Variants in PDE4D observed in about 807,000 individuals in gnomAD.
PDE4D encodes phosphodiesterase 4D.
A neutral mutation model predicts 87.4 loss-of-function variants in PDE4D; 24 were observed. The observed-to-expected ratio is 0.27, with a 90% CI of 0.20 to 0.39. PDE4D has a LOEUF of 0.39. Ranked by LOEUF, PDE4D falls within the 10% of genes least tolerant of loss-of-function variation. The pLI, the probability that PDE4D is intolerant of heterozygous loss-of-function variation, is 1.00. For missense variants in PDE4D, 714 were observed against 1,041.0 expected, an observed-to-expected ratio of 0.69 and a Z score of 4.32; for synonymous variants, 384 against 383.2, an observed-to-expected ratio of 1.00 and a Z score of -0.02.
intron 2 of PDE4D, among the ~76,000 whole-genome samples, chr5:60,120,081 A>C (rs1323367462): frequency 2.0e-5 from 3 of 152,226 alleles, no homozygotes; most frequent in Non-Finnish European, 4.4e-5. Flanking sequence ...ACAGAAAAAC[A>C]TCTTCTTATG....
chr5:59,033,448 C>A (rs1757943047), intron 6 of PDE4D, among the ~76,000 whole-genome samples: 2 of 152,192 alleles, frequency 1.3e-5, no homozygotes, highest in Non-Finnish European at 2.9e-5. Flanking sequence ...ACAAAATTAA[C>A]CCCAGCAATC....
At chr5:59,784,252 TA>T (rs60194125) in intron 1 of PDE4D, among the ~76,000 whole-genome samples, 204 of 142,396 alleles carry the variant, frequency 1.4e-3, no homozygotes, top group African/African-American at 2.4e-3. Context: ...TTTTTTTTTT[TA>T]AAAAAAAAAA....
chr5:60,373,466 A>G (rs954855966), intron 1 of PDE4D, among the ~76,000 whole-genome samples: 2 of 152,100 alleles, frequency 1.3e-5, no homozygotes, highest in Non-Finnish European at 1.5e-5. Context: ...CTAGAGTCTT[A>G]TTGAACTCAA....
intron 2 of PDE4D, among the ~76,000 whole-genome samples, chr5:60,012,053 AGGTAGAAATGC>A (rs1390542189): frequency 6.6e-6 from 1 of 152,200 alleles, no homozygotes; most frequent in African/African-American, 2.4e-5. Context: ...ATTGGACTAT[AGGTAGAAATGC>A]TGTGTGCTGA....
intron 1 of PDE4D, among the ~76,000 whole-genome samples, chr5:59,843,602 T>A (rs1743379690): frequency 6.6e-6 from 1 of 152,102 alleles, no homozygotes; most frequent in Admixed American, 6.6e-5. Context: ...TCTTTCCTCC[T>A]CTTCCTAAGT....
At chr5:59,332,742 C>T (rs1057060677) in intron 1 of PDE4D, among the ~76,000 whole-genome samples, 1 of 152,164 alleles carries the variant, frequency 6.6e-6, no homozygotes, top group Non-Finnish European at 1.5e-5. Flanking sequence ...TGTCATAGTT[C>T]TGGCTAAAGG....
intron 1 of PDE4D, among the ~76,000 whole-genome samples, chr5:60,503,588 G>C (rs985367696): frequency 6.6e-6 from 1 of 152,056 alleles, no homozygotes; most frequent in East Asian, 1.9e-4. Flanking sequence ...CTATGGAAAC[G>C]TAAGGTTGTT....
intron 3 of PDE4D, among the ~76,000 whole-genome samples, chr5:59,969,414 T>A (rs1027589829): frequency 3.3e-5 from 5 of 152,068 alleles, no homozygotes; most frequent in Non-Finnish European, 7.4e-5. Flanking sequence ...TTGAATAGAA[T>A]ATATTAAGGT....
At chr5:59,386,275 T>C (rs959699853) in intron 1 of PDE4D, among the ~76,000 whole-genome samples, 2 of 152,200 alleles carry the variant, frequency 1.3e-5, no homozygotes, top group African/African-American at 4.8e-5. Flanking sequence ...TTACATTGAA[T>C]ACTAGTTTTT....
chr5:60,395,583 G>T (rs1762833818), intron 1 of PDE4D, among the ~76,000 whole-genome samples: 1 of 152,056 alleles, frequency 6.6e-6, no homozygotes, highest in South Asian at 2.1e-4. Flanking sequence ...TAAAGAGGAA[G>T]AACTAGAAGT....
At chr5:60,407,138 C>T (rs1489112293) in intron 1 of PDE4D, among the ~76,000 whole-genome samples, 1 of 152,120 alleles carries the variant, frequency 6.6e-6, no homozygotes, top group African/African-American at 2.4e-5. Context: ...TGAGGAGCTG[C>T]TTGGTGACAA....
At chr5:59,033,617 GA>G (rs748111924) in intron 6 of PDE4D, among the ~76,000 whole-genome samples, 16 of 152,162 alleles carry the variant, frequency 1.1e-4, no homozygotes, top group Non-Finnish European at 1.8e-4. Flanking sequence ...AACTATCGCA[GA>G]AATCTTCTTA....
intron 5 of PDE4D, among the ~76,000 whole-genome samples, chr5:59,163,374 C>T (rs1423383235): frequency 5.3e-5 from 8 of 151,420 alleles, no homozygotes; most frequent in Non-Finnish European, 7.4e-5. Flanking sequence ...CAGGTTCAAG[C>T]GATTCTCCTG....
chr5:60,303,737 G>A (rs1414271180), intron 1 of PDE4D, among the ~76,000 whole-genome samples: 2 of 152,180 alleles, frequency 1.3e-5, no homozygotes, highest in African/African-American at 4.8e-5. Flanking sequence ...TTTTGAGTCA[G>A]TGCTGTATGG....
intron 5 of PDE4D, among the ~76,000 whole-genome samples, chr5:59,154,316 T>C (rs1239387568): frequency 1.3e-5 from 2 of 152,250 alleles, no homozygotes; most frequent in Non-Finnish European, 2.9e-5. Flanking sequence ...AAAATGTCTG[T>C]GTGTGTTTGC....
chr5:60,458,585 G>A (rs964527379), intron 1 of PDE4D, among the ~76,000 whole-genome samples: 8 of 152,048 alleles, frequency 5.3e-5, no homozygotes, highest in African/African-American at 1.9e-4. Context: ...CTTGATAGAA[G>A]AGAATTAAAA....
intron 2 of PDE4D, among the ~76,000 whole-genome samples, chr5:60,119,893 A>G (rs1448159271): frequency 6.6e-6 from 1 of 152,218 alleles, no homozygotes; most frequent in African/African-American, 2.4e-5. Flanking sequence ...TTTGGGTGTC[A>G]TCAGTATATA....
chr5:59,722,786 G>A (rs1756038268), intron 1 of PDE4D, among the ~76,000 whole-genome samples: 1 of 152,038 alleles, frequency 6.6e-6, no homozygotes, highest in African/African-American at 2.4e-5. Context: ...ACATTACTAG[G>A]AATTTCACTT....
At chr5:59,401,022 A>T (rs1790513603) in intron 1 of PDE4D, among the ~76,000 whole-genome samples, 1 of 152,244 alleles carries the variant, frequency 6.6e-6, no homozygotes, top group Admixed American at 6.5e-5. Flanking sequence ...GGTCACTGAC[A>T]TGAGATAGTG....
Sources: allele counts gnomAD v4.1 joint callset (sites outside exome capture counted in the v4.1 genomes callset), GRCh38; gene constraint gnomAD v4.1.1; transcripts MANE v1.5; gene names NCBI Gene and HGNC (gene_info 2026-07-23, HGNC 2026-07-21).